The following LAMA2 variants were observed in gnomAD, a reference collection of about 807,000 sequenced individuals.
LAMA2 encodes the protein laminin subunit alpha 2.
In LAMA2, 269 loss-of-function variants were observed where a neutral mutation model predicts 364.8. That is an observed-to-expected ratio of 0.74 (90% CI 0.67 to 0.82). The LOEUF (loss-of-function observed/expected upper bound fraction) is 0.82. Among genes scored for constraint, LAMA2 ranks in the 40% least tolerant of loss-of-function variants. The probability of loss-of-function intolerance (pLI) is 0.00; values close to 1 mark genes in which losing one functional copy is unlikely to be tolerated. For synonymous variants in LAMA2, 1,379 were observed against 1,370.6 expected (o/e 1.01, Z -0.14); for missense variants, 3,807 against 3,873.2 (o/e 0.98, Z 0.45).
chr6:129,353,144 T>C lies in LAMA2; in HGVS notation c.4524-20T>C. The stretch of plus-strand genomic sequence containing the variant: ...TGACTTGCTATTAACCTCTTTTGCT[T>C]TGTCACTGTTTCAATTCAGGTGTGC... On this transcript the variant is annotated intron_variant, in intron 31 of 64. Coordinates refer to ENST00000421865, the MANE Select transcript of LAMA2 (RefSeq NM_000426.4). 6.2e-7 allele frequency: 1 copy of C among 1,602,758 alleles called. No homozygotes were observed.
intron 40 of LAMA2, among the ~76,000 whole-genome samples, chr6:129,416,709 G>A (rs1388916041): frequency 5.3e-5 from 8 of 151,806 alleles, no homozygotes. Context: ...GGTCCACTGG[G>A]CACATTCCGC....
chr6:129,123,898 C>T lies in LAMA2; in HGVS notation c.640-20003C>T, dbSNP rs192646041. Among the ~76,000 whole-genome samples, 8 of 152,138 alleles carry T rather than the reference C, an allele frequency of 5.3e-5. No homozygotes were observed. In the East Asian group the frequency reaches 1.5e-3, roughly 29 times the overall value. On this transcript the variant is annotated intron_variant, in intron 4 of 64. Transcript: ENST00000421865. ...GTCAATCTTACAAATGTTCTTATCA[C>T]AAAATAATAATAATAAAGAGAGTGA...
intron 9 of LAMA2, among the ~76,000 whole-genome samples, chr6:129,172,573 T>G (rs1780259127): frequency 6.6e-6 from 1 of 152,254 alleles, no homozygotes; most frequent in East Asian, 1.9e-4. Flanking sequence ...CACTGCTCTC[T>G]TCAAAGCTGT....
chr6:129,076,852 G>C (rs1272680450), intron 3 of LAMA2, among the ~76,000 whole-genome samples: 1 of 151,974 alleles, frequency 6.6e-6, no homozygotes, highest in Admixed American at 6.6e-5. Context: ...GGTCATGGTA[G>C]ATTAATGTCA....
intron 1 of LAMA2, among the ~76,000 whole-genome samples, chr6:128,944,652 AGAAG>A (rs1365656878): frequency 2.6e-5 from 4 of 151,436 alleles, no homozygotes; most frequent in African/African-American, 7.3e-5. Context: ...AAAAAAAAAA[AGAAG>A]AAAGAAAGAA....
Position 129,208,574 on chromosome 6 carries a change from G to C in LAMA2, c.1782+15721G>C, listed in dbSNP as rs566193269. Among the ~76,000 whole-genome samples, 9 of 148,572 alleles carry C rather than the reference G, an allele frequency of 6.1e-5. 2 individuals are homozygous for C. The South Asian group carries it at 1.9e-3, about 32-fold the overall frequency. On this transcript the variant is annotated intron_variant, in intron 12 of 64. Transcript: ENST00000421865. ...AGAGAAAGAAAGAAAGAGAAAGAAA[G>C]AGAAAGAAAGGAGGAAGGAAAGAAG...
chr6:129,088,804 G>A (rs1043532655), intron 3 of LAMA2, among the ~76,000 whole-genome samples: 5 of 152,000 alleles, frequency 3.3e-5, no homozygotes, highest in African/African-American at 7.3e-5. Flanking sequence ...ATGGCGGTCC[G>A]GAAGAGGCAC....
At chr6:128,889,800 A>G (rs1411575122) in intron 1 of LAMA2, among the ~76,000 whole-genome samples, 1 of 152,224 alleles carries the variant, frequency 6.6e-6, no homozygotes, top group Non-Finnish European at 1.5e-5. Flanking sequence ...TCAAAGATGT[A>G]TAATATGGGT....
At chr6:129,416,286 T>A (rs1562543866) in intron 40 of LAMA2, among the ~76,000 whole-genome samples, 1 of 152,206 alleles carries the variant, frequency 6.6e-6, no homozygotes, top group Non-Finnish European at 1.5e-5. Flanking sequence ...TCCGTCATAG[T>A]TTTATTCCCC....
intron 58 of LAMA2, among the ~76,000 whole-genome samples, chr6:129,499,682 G>C (rs370436493): frequency 2.6e-5 from 4 of 152,062 alleles, no homozygotes; most frequent in Admixed American, 6.6e-5. Flanking sequence ...AAGCAACACC[G>C]GGCAAAGCAA....
chr6:129,188,705 C>T (rs1270662888), intron 10 of LAMA2, among the ~76,000 whole-genome samples: 2 of 151,876 alleles, frequency 1.3e-5, no homozygotes, highest in Non-Finnish European at 2.9e-5. Context: ...TGGGGCAGTG[C>T]TTATTAAGGT....
chr6:128,890,210 C>T (rs187405456), intron 1 of LAMA2, among the ~76,000 whole-genome samples: 51 of 152,276 alleles, frequency 3.3e-4, no homozygotes, highest in Admixed American at 3.1e-3. Context: ...TGAGCATTAA[C>T]ACATTTACTT....
intron 3 of LAMA2, among the ~76,000 whole-genome samples, chr6:129,088,411 C>T (rs896039330): frequency 5.9e-5 from 9 of 152,168 alleles, no homozygotes; most frequent in Non-Finnish European, 8.8e-5. Flanking sequence ...CTGCTGGGTA[C>T]ACCTCCCAGA....
chr6:129,270,728 T>C lies in LAMA2; in HGVS notation c.2427T>C (p.Cys809=), dbSNP rs778050587. The C allele has an allele frequency of 2.5e-6, 4 of 1,613,266 alleles. No individual in the cohort carries two copies. The highest frequency in any genetic ancestry group is 1.7e-4 in the Middle Eastern group (1 of 6,054). The part of the protein sequence containing the change: ...GTSEDCQPCA[C]PLNIPSNNFS... ...CTGAAGACTGTCAACCCTGTGCCTG[T>C]CCACTCAATATCCCATCCAATAAGT... Residue 809 remains cysteine (C), a synonymous_variant, in exon 17 of 65, where the codon TGT becomes TGC. Coordinates refer to ENST00000421865, the MANE Select transcript of LAMA2 (RefSeq NM_000426.4).
intron 32 of LAMA2, among the ~76,000 whole-genome samples, chr6:129,364,283 A>G (rs1376411322): frequency 6.6e-6 from 1 of 152,134 alleles, no homozygotes; most frequent in East Asian, 1.9e-4. Context: ...TTTTCTCTCC[A>G]TTAAGCAGCT....
chr6:128,942,739 G>A lies in LAMA2; in HGVS notation c.112+59382G>A, dbSNP rs549792523. Reference sequence around the variant, plus strand: ...TGGATGACATTTTAAAATCACTTACGTATTTAATCTGTGGATTGTAGAGCA... The same window carrying A: ...TGGATGACATTTTAAAATCACTTACATATTTAATCTGTGGATTGTAGAGCA... On this transcript the variant is annotated intron_variant, in intron 1 of 64. Coordinates refer to ENST00000421865, the MANE Select transcript of LAMA2 (RefSeq NM_000426.4). Among the ~76,000 whole-genome samples the A allele has an allele frequency of 9.9e-5, 15 of 152,258 alleles. No homozygotes were observed. The South Asian group carries it at 1.5e-3, about 15-fold the overall frequency.
At chr6:128,909,483 T>G (rs1332701564) in intron 1 of LAMA2, among the ~76,000 whole-genome samples, 8 of 149,380 alleles carry the variant, frequency 5.4e-5, no homozygotes, top group Non-Finnish European at 8.9e-5. Flanking sequence ...GTTTTCCATT[T>G]GCTTGGTAGA....
chr6:129,508,630 G>A (rs1314718799), intron 62 of LAMA2, among the ~76,000 whole-genome samples: 1 of 152,024 alleles, frequency 6.6e-6, no homozygotes, highest in Admixed American at 6.6e-5. Context: ...GTTTGCCTTT[G>A]TGTGCCTGGC....
intron 1 of LAMA2, among the ~76,000 whole-genome samples, chr6:128,940,264 C>G (rs1319270248): frequency 6.6e-6 from 1 of 152,104 alleles, no homozygotes; most frequent in African/African-American, 2.4e-5. Flanking sequence ...ATCAGACTGT[C>G]TCCCTAGACC....
Sources: gnomAD v4.1 joint callset for allele counts (sites outside exome capture counted in the v4.1 genomes callset) on GRCh38, gnomAD v4.1.1 for gene constraint, MANE v1.5 for transcripts, NCBI Gene and HGNC (gene_info 2026-07-23, HGNC 2026-07-21) for gene names.